Variants in RASA2 observed in about 807,000 individuals in gnomAD.
RASA2 encodes ras GTPase-activating protein 2.
A neutral mutation model predicts 118.2 loss-of-function variants in RASA2; 155 were observed. The observed-to-expected ratio is 1.31, with a 90% CI of 1.15 to 1.50. The LOEUF (loss-of-function observed/expected upper bound fraction) is 1.50. RASA2 is among the 40% of genes most tolerant of loss of function. RASA2 has a pLI of 0.00. For synonymous variants in RASA2, 353 were observed against 349.1 expected (o/e 1.01, Z -0.12); for missense variants, 1,016 against 1,009.6 (o/e 1.01, Z -0.09).
rs530070221 is a variant in RASA2 at position 141,562,973 on chromosome 3, C to T, written c.863+2978C>T. On this transcript the variant is annotated intron_variant, in intron 9 of 23. Transcript: ENST00000286364. ...GGCGTGAGCCACCGCACCTGGCCCA[C>T]GTTCAGTTATTAATAGAACTGCTTC... Among the ~76,000 whole-genome samples, 7 of 152,270 alleles carry T rather than the reference C, an allele frequency of 4.6e-5. No homozygotes were observed. The East Asian group carries it at 5.8e-4, about 13-fold the overall frequency.
intron 2 of RASA2, among the ~76,000 whole-genome samples, chr3:141,515,513 A>G (rs2082009515): frequency 6.6e-6 from 1 of 152,154 alleles, no homozygotes; most frequent in Non-Finnish European, 1.5e-5. Context: ...GTTTGTATAG[A>G]ACTTAGTTGA....
intron 19 of RASA2, among the ~76,000 whole-genome samples, chr3:141,603,266 G>T (rs951419934): frequency 1.3e-5 from 2 of 152,080 alleles, no homozygotes; most frequent in Non-Finnish European, 2.9e-5. Flanking sequence ...TATTGTGGTG[G>T]TAATTGTATT....
At chr3:141,540,470 C>G in intron 4 of RASA2, 63 bp from the exon 5 acceptor site, 1 of 1,357,176 alleles carries the variant, frequency 7.4e-7, no homozygotes, top group Non-Finnish European at 1.0e-6. Flanking sequence ...TGAAAAGGCA[C>G]ATACCTTTAA....
At chr3:141,507,238 A>G (rs2081882989) in intron 1 of RASA2, among the ~76,000 whole-genome samples, 1 of 152,218 alleles carries the variant, frequency 6.6e-6, no homozygotes, top group African/African-American at 2.4e-5. Flanking sequence ...TTACCCAACC[A>G]TGATGACCAG....
chr3:141,572,870 C>A lies in RASA2; in HGVS notation c.1284+147C>A, dbSNP rs41265467. ...CTTTAGAAGCAAATTATTTACTTCT[C>A]TGTCAATGGATTTTTACTCAAAAGG... is the stretch of plus-strand genomic sequence containing the variant. On this transcript the variant is annotated intron_variant, in intron 12 of 23. Coordinates refer to ENST00000286364, the MANE Select transcript of RASA2 (RefSeq NM_006506.5). 1,280 of 688,544 alleles carry A rather than the reference C, an allele frequency of 1.9e-3. 5 individuals carry two copies. The highest frequency in any genetic ancestry group is 2.8e-3 in the Admixed American group (86 of 30,584). 42.7% of individuals were successfully genotyped at this position (688,544 alleles called of 1,614,324 possible).
chr3:141,610,450 A>G (rs2083629445), intron 23 of RASA2, among the ~76,000 whole-genome samples: 1 of 110,110 alleles, frequency 9.1e-6, no homozygotes, highest in African/African-American at 4.5e-5. Flanking sequence ...TATATATTAT[A>G]TATTTATATT....
chr3:141,559,649 C>T (rs904806999), intron 8 of RASA2, among the ~76,000 whole-genome samples: 4 of 152,148 alleles, frequency 2.6e-5, no homozygotes, highest in African/African-American at 9.6e-5. Context: ...GACTTTCAAA[C>T]TAAGACAGTT....
chr3:141,519,767 A>G (rs1255240233), intron 3 of RASA2, among the ~76,000 whole-genome samples: 1 of 152,046 alleles, frequency 6.6e-6, no homozygotes, highest in Non-Finnish European at 1.5e-5. Flanking sequence ...AACATTTACC[A>G]AACACTTCTC....
intron 1 of RASA2, among the ~76,000 whole-genome samples, chr3:141,499,800 T>C (rs1465856922): frequency 1.3e-5 from 2 of 152,312 alleles, no homozygotes; most frequent in East Asian, 1.9e-4. Flanking sequence ...CATTTCGCCA[T>C]GTTAGCCAGG....
intron 3 of RASA2, among the ~76,000 whole-genome samples, chr3:141,516,983 A>G (rs1199945661): frequency 2.6e-5 from 4 of 151,862 alleles, no homozygotes; most frequent in Admixed American, 2.0e-4. Context: ...CATGTTGGCC[A>G]GGCTGATCTT....
In RASA2 at chr3:141,487,214, T is replaced by A; in HGVS notation, c.131T>A (p.Ile44Asn). 2.1e-6 allele frequency: 3 copies of A among 1,422,514 alleles called. No individual in the cohort carries two copies. The highest frequency in any genetic ancestry group is 2.8e-6 in the Non-Finnish European group (3 of 1,075,602). The allele number at this position is 1,422,514 out of a possible 1,614,324, so 88.1% of individuals were successfully genotyped here. ...GTGTTGCAGAGCCTGCGGGGCAAGA[T>A]CTGTAAGCGGGGGCTGGGCTGAGGG... ...VRVLQSLRGK[I>N]CEAKNLLPYL... Residue 44 changes from isoleucine (I) to asparagine (N), a missense_variant and splice_region_variant, in exon 1 of 24, where the codon ATC becomes AAC. This residue lies in a region of RASA2 where 896 missense variants were observed against 836.4 expected (regional missense o/e 1.07). Coordinates refer to ENST00000286364, the MANE Select transcript of RASA2 (RefSeq NM_006506.5).
chr3:141,520,505 G>A (rs2082095222), intron 3 of RASA2, among the ~76,000 whole-genome samples: 1 of 151,998 alleles, frequency 6.6e-6, no homozygotes, highest in Non-Finnish European at 1.5e-5. Context: ...CAGTGGTTTT[G>A]AACCTTTTGA....
At chr3:141,545,990 G>T (rs551705811) in intron 5 of RASA2, among the ~76,000 whole-genome samples, 15 of 152,122 alleles carry the variant, frequency 9.9e-5, no homozygotes, top group African/African-American at 3.4e-4. Context: ...TTCACTTAAC[G>T]TAATGATCTC....
chr3:141,580,485 C>A, intron 16 of RASA2, 34 bp downstream of exon 16: 1 of 1,501,428 alleles, frequency 6.7e-7, no homozygotes, highest in Non-Finnish European at 9.2e-7. Context: ...TGTTTTTACA[C>A]TTCTAAATGT....
intron 2 of RASA2, among the ~76,000 whole-genome samples, 170 bp from the exon 3 acceptor site, chr3:141,516,158 A>AGTTCTAG (rs2082021756): frequency 3.3e-5 from 5 of 151,706 alleles, no homozygotes; most frequent in Admixed American, 3.3e-4. Flanking sequence ...TATGTAACAA[A>AGTTCTAG]GCTGCACGTT....
At chr3:141,599,027 G>T (rs1259944400) in intron 19 of RASA2, among the ~76,000 whole-genome samples, 1 of 152,140 alleles carries the variant, frequency 6.6e-6, no homozygotes, top group Non-Finnish European at 1.5e-5. Flanking sequence ...GGTGGAGGTT[G>T]CAGTGAGCCG....
At chr3:141,521,135 G>A (rs2082106220) in intron 3 of RASA2, among the ~76,000 whole-genome samples, 1 of 152,200 alleles carries the variant, frequency 6.6e-6, no homozygotes, top group African/African-American at 2.4e-5. Flanking sequence ...TTGACAGTTG[G>A]AAATATAGAT....
At chr3:141,604,361 CT>C (rs546346055) in intron 19 of RASA2, among the ~76,000 whole-genome samples, 53 of 152,132 alleles carry the variant, frequency 3.5e-4, no homozygotes, top group Non-Finnish European at 5.0e-4. Context: ...AGTGAGGAAA[CT>C]TGACTATCCT....
rs2082333739 is a variant in RASA2 at position 141,536,809 on chromosome 3, G to A, written c.451-3724G>A. Reference sequence around the variant, plus strand: ...TGGAGTTCTGCTGGAGTGCAATGGTGTGATCTCAGTTCACCACAACCTCTG... The same window carrying A: ...TGGAGTTCTGCTGGAGTGCAATGGTATGATCTCAGTTCACCACAACCTCTG... On this transcript the variant is annotated intron_variant, in intron 4 of 23. Transcript: ENST00000286364. 2.8e-5 allele frequency among the ~76,000 whole-genome samples: 4 copies of A among 144,070 alleles called. No homozygotes were observed. The South Asian group carries it at 8.8e-4, about 32-fold the overall frequency. 94.5% of individuals were successfully genotyped at this position (144,070 alleles called of 152,430 possible).
Sources: gnomAD v4.1 joint callset for allele counts (sites outside exome capture counted in the v4.1 genomes callset) on GRCh38, gnomAD v4.1.1 for gene constraint, gnomAD v4.1.1 regional missense constraint, MANE v1.5 for transcripts, NCBI Gene and HGNC (gene_info 2026-07-23, HGNC 2026-07-21) for gene names.